ANKS1B: variants seen among roughly 807,000 people sequenced by gnomAD.
ANKS1B encodes the protein ankyrin repeat and sterile alpha motif domain containing 1B.
Under a neutral mutation model 148.3 loss-of-function variants are expected in ANKS1B, and 36 were observed. That is an observed-to-expected ratio of 0.24 (90% CI 0.19 to 0.32). ANKS1B has a LOEUF of 0.32. ANKS1B is among the 10% of genes least tolerant of loss of function. The pLI, the probability that ANKS1B is intolerant of heterozygous loss-of-function variation, is 1.00. For synonymous variants in ANKS1B, 542 were observed against 560.8 expected, an observed-to-expected ratio of 0.97 and a Z score of 0.47; for missense variants, 1,157 against 1,542.6, an observed-to-expected ratio of 0.75 and a Z score of 4.19.
rs1378675404 is a variant in ANKS1B at position 99,246,800 on chromosome 12, G to A, written c.1821C>T (p.Gly607=). 6.2e-7 allele frequency: 1 copy of A among 1,612,570 alleles called. No individual in the cohort carries two copies. Among genetic ancestry groups the A allele is most frequent in the South Asian group, 1.1e-5 (1 of 90,876 alleles). Residue 607 remains glycine (G), a synonymous_variant, in exon 13 of 27, where the codon GGC becomes GGT. Transcript: ENST00000683438. ...AGGCTGGAGAGGATCCATGGAGCAG[G>A]CCTGCAAATTGCCCAGGATCATATT... is the stretch of plus-strand genomic sequence containing the variant. ...PKEYDPGQFA[G]LLHGSSPACE... is the part of the protein sequence containing the mutation.
intron 17 of ANKS1B, among the ~76,000 whole-genome samples, chr12:98,944,302 CAAAAA>C (rs11313441): frequency 1.1e-5 from 1 of 88,044 alleles, no homozygotes; most frequent in African/African-American, 4.1e-5. Context: ...CTCCACCTCA[CAAAAA>C]AAAAAAAAAA....
chr12:99,347,607 G>A (rs1373488538), intron 12 of ANKS1B, among the ~76,000 whole-genome samples: 1 of 151,922 alleles, frequency 6.6e-6, no homozygotes, highest in African/African-American at 2.4e-5. Flanking sequence ...GCTGACCATT[G>A]AGTTAGTAGA....
chr12:98,917,247 T>C (rs2099795595), intron 17 of ANKS1B, among the ~76,000 whole-genome samples: 1 of 152,212 alleles, frequency 6.6e-6, no homozygotes, highest in African/African-American at 2.4e-5. Flanking sequence ...AGAGAGCGGT[T>C]AAGCAACTTT....
At chr12:99,331,135 G>T (rs1268691317) in intron 12 of ANKS1B, among the ~76,000 whole-genome samples, 1 of 151,854 alleles carries the variant, frequency 6.6e-6, no homozygotes, top group Non-Finnish European at 1.5e-5. Context: ...TCATATTCAT[G>T]TATATGACCG....
At chr12:99,289,393 G>C (rs2079590370) in intron 12 of ANKS1B, among the ~76,000 whole-genome samples, 1 of 151,982 alleles carries the variant, frequency 6.6e-6, no homozygotes, top group South Asian at 2.1e-4. Flanking sequence ...AAATATCATA[G>C]TTAATCTATA....
At chr12:99,383,849 C>CAAA (rs1160915276) in intron 12 of ANKS1B, among the ~76,000 whole-genome samples, 13 of 77,432 alleles carry the variant, frequency 1.7e-4, no homozygotes, top group South Asian at 4.1e-4. Context: ...CCCATCTCTA[C>CAAA]AAAAAAAAAA....
intron 8 of ANKS1B, among the ~76,000 whole-genome samples, chr12:99,726,308 A>T (rs944549700): frequency 1.2e-4 from 18 of 152,342 alleles, no homozygotes; most frequent in Admixed American, 2.0e-4. Context: ...GGATATTACC[A>T]CTTATCCCAC....
intron 4 of ANKS1B, among the ~76,000 whole-genome samples, chr12:99,794,924 C>T (rs1414985103): frequency 6.6e-6 from 1 of 151,604 alleles, no homozygotes; most frequent in Non-Finnish European, 1.5e-5. Flanking sequence ...CATACATGTA[C>T]CAAAATATCT....
At chr12:99,358,468 T>C (rs1387797049) in intron 12 of ANKS1B, among the ~76,000 whole-genome samples, 1 of 152,126 alleles carries the variant, frequency 6.6e-6, no homozygotes, top group Non-Finnish European at 1.5e-5. Context: ...CTATTAAGTT[T>C]CATAAATTTC....
chr12:99,823,228 C>G (rs1363437346), intron 2 of ANKS1B, among the ~76,000 whole-genome samples: 5 of 151,970 alleles, frequency 3.3e-5, no homozygotes, highest in Non-Finnish European at 7.4e-5. Context: ...ATATTTTCTC[C>G]CATTCTATAG....
At chr12:99,245,299 G>C (rs1408898558) in intron 13 of ANKS1B, among the ~76,000 whole-genome samples, 1 of 152,142 alleles carries the variant, frequency 6.6e-6, no homozygotes, top group Non-Finnish European at 1.5e-5. Flanking sequence ...GATCTCAGAT[G>C]TTATTCACTA....
At chr12:98,831,449 G>A (rs2099314788) in intron 18 of ANKS1B, 1 of 152,348 alleles carries the variant, frequency 6.6e-6, no homozygotes, top group Non-Finnish European at 1.5e-5. Flanking sequence ...TGGGTTTGAG[G>A]AGTCTGACAG....
chr12:99,866,502 G>C (rs1035075950), intron 1 of ANKS1B, among the ~76,000 whole-genome samples: 2 of 152,098 alleles, frequency 1.3e-5, no homozygotes, highest in African/African-American at 4.8e-5. Flanking sequence ...GTTTACTCTA[G>C]TAACATTAGC....
At position 99,775,649 on chromosome 12, in the gene ANKS1B, C is replaced by A; in HGVS notation, c.860G>T (p.Gly287Val). 1 of 1,598,560 alleles carries A rather than the reference C, an allele frequency of 6.3e-7. No homozygotes were observed. Among genetic ancestry groups the A allele is most frequent in the Non-Finnish European group, 8.6e-7 (1 of 1,167,824 alleles). The change falls in exon 7 of 27, where the codon GGC (glycine) becomes GTC (valine). Residue 287 changes from glycine to valine, a missense_variant. Around this residue, in one of 6 missense-constraint regions of ANKS1B, gnomAD observed 661 missense variants for 642.1 expected, o/e 1.03. Coordinates refer to ENST00000683438, the MANE Select transcript of ANKS1B (RefSeq NM_001352186.2). ...TTCGAGGACTGTAGATCTTCCCACG[C>A]CTTCTAAATACTCTGTGTGTATACA... ...IATLLQEYLE[G>V]VGRSTVLEEP...
At chr12:98,917,424 T>A (rs1010795657) in intron 17 of ANKS1B, among the ~76,000 whole-genome samples, 2 of 152,112 alleles carry the variant, frequency 1.3e-5, no homozygotes, top group African/African-American at 4.8e-5. Context: ...TAACATCTCA[T>A]TGCCTCAAAG....
At chr12:99,871,918 A>AAGT (rs2091565487) in intron 1 of ANKS1B, among the ~76,000 whole-genome samples, 1 of 152,020 alleles carries the variant, frequency 6.6e-6, no homozygotes, top group South Asian at 2.1e-4. Flanking sequence ...CTCTTGTCTG[A>AAGT]CTGTTCTAAC....
chr12:99,320,326 C>A (rs886346185), intron 12 of ANKS1B, among the ~76,000 whole-genome samples: 3 of 152,180 alleles, frequency 2.0e-5, no homozygotes, highest in Non-Finnish European at 4.4e-5. Context: ...CTTTCTGGTA[C>A]AACAATCAGA....
At chr12:99,642,527 G>A (rs534001844) in intron 9 of ANKS1B, among the ~76,000 whole-genome samples, 30 of 152,300 alleles carry the variant, frequency 2.0e-4, no homozygotes, top group Admixed American at 1.6e-3. Flanking sequence ...GGCTCTAAAA[G>A]AGAATCTAGG....
At chr12:99,838,473 TGA>T (rs1429857275) in intron 1 of ANKS1B, among the ~76,000 whole-genome samples, 1 of 152,158 alleles carries the variant, frequency 6.6e-6, no homozygotes, top group East Asian at 1.9e-4. Context: ...GTTTTTGTAT[TGA>T]GTTTTTCATT....
Sources: allele counts gnomAD v4.1 joint callset (sites outside exome capture counted in the v4.1 genomes callset), GRCh38; gene constraint gnomAD v4.1.1; regional missense constraint gnomAD v4.1.1; transcripts MANE v1.5; gene names NCBI Gene and HGNC (gene_info 2026-07-23, HGNC 2026-07-21).